Variants in BCKDHB observed in about 807,000 individuals in gnomAD.
BCKDHB encodes branched chain keto acid dehydrogenase E1 subunit beta.
Under a neutral mutation model 48.5 loss-of-function variants are expected in BCKDHB, and 41 were observed. The ratio of observed to expected loss-of-function variants is 0.85; its 90% confidence interval spans 0.66 to 1.10. The LOEUF is 1.10. BCKDHB is among the 50% of genes least tolerant of loss of function. BCKDHB has a pLI of 0.00. For missense variants in BCKDHB, 496 were observed against 494.2 expected, an observed-to-expected ratio of 1.00 and a Z score of -0.03; for synonymous variants, 201 against 174.8, an observed-to-expected ratio of 1.15 and a Z score of -1.18.
chr6:80,305,117 T>C (rs2127993096), intron 9 of BCKDHB, among the ~76,000 whole-genome samples: 1 of 152,274 alleles, frequency 6.6e-6, no homozygotes, highest in East Asian at 1.9e-4. Context: ...ATTTAGGCCA[T>C]ATATACTGCT....
At chr6:80,116,572 G>C (rs2490239) in intron 1 of BCKDHB, among the ~76,000 whole-genome samples, 1 of 151,962 alleles carries the variant, frequency 6.6e-6, no homozygotes, top group African/African-American at 2.4e-5. Flanking sequence ...TTTTTCAGCA[G>C]TGCTGATGAC....
intron 9 of BCKDHB, among the ~76,000 whole-genome samples, chr6:80,303,123 T>G (rs1173584173): frequency 6.6e-6 from 1 of 152,116 alleles, no homozygotes; most frequent in Admixed American, 6.5e-5. Context: ...GGGTAATTCT[T>G]TTGTATTGTA....
chr6:80,376,610 TG>T, the BCKDHB span, among the ~76,000 whole-genome samples: 8,106 of 152,314 alleles, frequency 0.053, 234 homozygotes, highest in East Asian at 0.097. Context: ...CATACTGCTC[TG>T]TCTGAGTGGG....
chr6:80,209,016 C>T (rs1013313449), intron 8 of BCKDHB, among the ~76,000 whole-genome samples: 2 of 151,774 alleles, frequency 1.3e-5, no homozygotes, highest in Non-Finnish European at 3.0e-5. Context: ...TAAATATTCA[C>T]AAAGCAGTTG....
chr6:80,241,896 A>G (rs1002315649), intron 8 of BCKDHB, among the ~76,000 whole-genome samples: 3 of 151,990 alleles, frequency 2.0e-5, no homozygotes, highest in African/African-American at 7.2e-5. Flanking sequence ...CCACTTTTCT[A>G]TTGGGGGAAA....
At chr6:80,182,044 A>G (rs1343248243) in intron 6 of BCKDHB, among the ~76,000 whole-genome samples, 2 of 152,154 alleles carry the variant, frequency 1.3e-5, no homozygotes, top group Non-Finnish European at 2.9e-5. Context: ...CCATTTGATT[A>G]CAAGTCATGT....
rs143618631 is a variant in BCKDHB at position 80,142,990 on chromosome 6, A to G, written c.343+13761A>G. Among the ~76,000 whole-genome samples the G allele has an allele frequency of 1.7e-3, 263 of 152,288 alleles. 1 individual carries two copies. The highest frequency in any genetic ancestry group is 6.0e-3 in the African/African-American group (249 of 41,568). On this transcript the variant is annotated intron_variant, in intron 3 of 9. Transcript: ENST00000320393. ...TCAAAATTAAAAAGAAATCCAGTGA[A>G]GAGTATCAATAAATACAGACAATTT... is the stretch of plus-strand genomic sequence containing the variant.
At chr6:80,424,021 G>C in the BCKDHB span, among the ~76,000 whole-genome samples, 1 of 152,142 alleles carries the variant, frequency 6.6e-6, no homozygotes, top group Non-Finnish European at 1.5e-5. Context: ...GGTGATAGAG[G>C]CATGAAACAT....
intron 8 of BCKDHB, among the ~76,000 whole-genome samples, chr6:80,242,973 C>T (rs1776449774): frequency 1.3e-5 from 2 of 152,158 alleles, no homozygotes; most frequent in African/African-American, 4.8e-5. Flanking sequence ...AGAAGGTTGA[C>T]ATCTCTCGAT....
chr6:80,456,481 T>C, the BCKDHB span, among the ~76,000 whole-genome samples: 2 of 152,172 alleles, frequency 1.3e-5, no homozygotes, highest in African/African-American at 4.8e-5. Flanking sequence ...TGCCACTTAA[T>C]CCCCGGTAAA....
Position 80,122,424 on chromosome 6 carries a change from C to CG in BCKDHB, c.197-5118dup, listed in dbSNP as rs541398548. ...TGATTGGAATAGTTCCAGAAGGTGT[C>CG]GGGGGAACCCACCCCCAATATTTTA... On this transcript the variant is annotated intron_variant, in intron 1 of 9. Transcript: ENST00000320393. 2.3e-3 allele frequency among the ~76,000 whole-genome samples: 346 copies of CG among 151,982 alleles called. 1 individual carries two copies. Among genetic ancestry groups the CG allele is most frequent in the African/African-American group, 7.7e-3 (320 of 41,490 alleles).
intron 8 of BCKDHB, among the ~76,000 whole-genome samples, chr6:80,258,205 A>G (rs1777140027): frequency 6.6e-6 from 1 of 152,156 alleles, no homozygotes; most frequent in Admixed American, 6.5e-5. Context: ...GTGATTGACA[A>G]GGCACTGTTT....
At chr6:80,374,240 G>T in the BCKDHB span, 4 of 752,556 alleles carry the variant, frequency 5.3e-6, no homozygotes, top group Non-Finnish European at 7.3e-6. Flanking sequence ...TGGCCAGAGA[G>T]TCTACATCTA....
chr6:80,286,047 T>C (rs1296793343), intron 9 of BCKDHB, among the ~76,000 whole-genome samples: 1 of 152,162 alleles, frequency 6.6e-6, no homozygotes, highest in Admixed American at 6.5e-5. Flanking sequence ...AAATTGATAC[T>C]TTTTTAAACA....
the BCKDHB span, among the ~76,000 whole-genome samples, chr6:80,401,125 AC>A: frequency 6.8e-6 from 1 of 147,074 alleles, no homozygotes; most frequent in African/African-American, 2.7e-5. Context: ...TAGAATTAGT[AC>A]CTGGATGACA....
the BCKDHB span, among the ~76,000 whole-genome samples, chr6:80,433,932 T>G: frequency 6.6e-6 from 1 of 152,214 alleles, no homozygotes; most frequent in African/African-American, 2.4e-5. Flanking sequence ...TTAAATATTT[T>G]GTGTCTTTCT....
chr6:80,180,361 A>C (rs1431969601), intron 6 of BCKDHB, among the ~76,000 whole-genome samples: 3 of 152,208 alleles, frequency 2.0e-5, no homozygotes, highest in African/African-American at 7.2e-5. Context: ...TAGATAAGGC[A>C]GAAAAATCCA....
At chr6:80,224,959 G>A (rs1029427966) in intron 8 of BCKDHB, among the ~76,000 whole-genome samples, 4 of 152,168 alleles carry the variant, frequency 2.6e-5, no homozygotes, top group African/African-American at 9.7e-5. Context: ...TTGTTGTGCG[G>A]TTCTAGTTGT....
the BCKDHB span, among the ~76,000 whole-genome samples, chr6:80,352,169 G>A: frequency 6.7e-6 from 1 of 149,260 alleles, no homozygotes; most frequent in Non-Finnish European, 1.5e-5. Flanking sequence ...TTTGGAGATA[G>A]GGTTTGGCCA....
Sources: allele counts gnomAD v4.1 joint callset (sites outside exome capture counted in the v4.1 genomes callset), GRCh38; gene constraint gnomAD v4.1.1; transcripts MANE v1.5; gene names NCBI Gene and HGNC (gene_info 2026-07-23, HGNC 2026-07-21).